Variants in WNT16 observed in about 807,000 individuals in gnomAD.
WNT16 encodes the protein protein Wnt-16.
Under a neutral mutation model 35.4 loss-of-function variants are expected in WNT16, and 20 were observed. The ratio of observed to expected loss-of-function variants is 0.56; its 90% confidence interval spans 0.40 to 0.82. The LOEUF (loss-of-function observed/expected upper bound fraction) is 0.82. Among genes scored for constraint, WNT16 ranks in the 40% least tolerant of loss-of-function variants. The probability of loss-of-function intolerance (pLI) is 0.00; values close to 1 mark genes in which losing one functional copy is unlikely to be tolerated. For synonymous variants in WNT16, 180 were observed against 179.2 expected, an observed-to-expected ratio of 1.00 and a Z score of -0.03; for missense variants, 461 against 466.0, an observed-to-expected ratio of 0.99 and a Z score of 0.10.
upstream of WNT16, chr7:121,328,902 T>G: frequency 4.9e-5 from 21 of 428,630 alleles, no homozygotes; most frequent in South Asian, 9.6e-5. Context: ...CCCGAGATGA[T>G]GAGATGCGGG....
upstream of WNT16, among the ~76,000 whole-genome samples, chr7:121,328,703 TC>T (rs1249833443): frequency 1.3e-5 from 2 of 152,142 alleles, no homozygotes; most frequent in East Asian, 3.9e-4. Flanking sequence ...ACCCACGCTT[TC>T]CCCCAAGGTT....
chr7:121,329,887 A>G, intron 2 of WNT16, 70 bp downstream of exon 2: 5 of 1,568,628 alleles, frequency 3.2e-6, no homozygotes, highest in Non-Finnish European at 4.3e-6. Flanking sequence ...TCCTGCAAAT[A>G]AAGTAAATAG....
rs1793504597 is a variant in WNT16 at position 121,339,820 on chromosome 7, G to A, written c.*475G>A. ...CATTTATTCTCTCAGTATTTTAACT[G>A]AAGAAATTATACTGTTTGTGTGTGG... is the stretch of plus-strand genomic sequence containing the variant. On this transcript the variant is annotated 3_prime_UTR_variant, in exon 4 of 4. Transcript: ENST00000222462. The A allele has an allele frequency of 4.9e-6, 1 of 203,958 alleles. No individual in the cohort carries two copies. The highest frequency in any genetic ancestry group is 9.8e-6 in the Non-Finnish European group (1 of 102,064). The allele number at this position is 203,958 out of a possible 1,614,324, so 12.6% of individuals were successfully genotyped here.
chr7:121,335,843 T>G (rs1189104686), intron 3 of WNT16, among the ~76,000 whole-genome samples: 3 of 152,130 alleles, frequency 2.0e-5, no homozygotes, highest in Admixed American at 1.3e-4. Context: ...AGACTTTATT[T>G]TTCTGTAAAA....
At chr7:121,338,512 C>T (rs1793475054) in intron 3 of WNT16, among the ~76,000 whole-genome samples, 1 of 152,154 alleles carries the variant, frequency 6.6e-6, no homozygotes, top group South Asian at 2.1e-4. Flanking sequence ...TGAATGGTAT[C>T]AGGAACATAC....
rs1273525219 is a variant in WNT16 at position 121,338,833 on chromosome 7, T to C, written c.634-48T>C. The C allele has an allele frequency of 2.6e-6, 4 of 1,520,258 alleles. No homozygotes were observed. The African/African-American group carries it at 4.2e-5, about 16-fold the overall frequency. 94.2% of individuals were successfully genotyped at this position (1,520,258 alleles called of 1,614,324 possible). On this transcript the variant is annotated intron_variant, in intron 3 of 3. Transcript: ENST00000222462. ...GATTAACTGTGCTTCTGTTGTTGAG[T>C]AAAACACTTTATGATTGATAGTTGA...
intron 3 of WNT16, among the ~76,000 whole-genome samples, chr7:121,338,420 G>C (rs139907080): frequency 2.0e-5 from 3 of 152,298 alleles, no homozygotes; most frequent in Non-Finnish European, 4.4e-5. Flanking sequence ...TGTAGGTCTG[G>C]AGTGGGGCCT....
intron 3 of WNT16, among the ~76,000 whole-genome samples, chr7:121,337,503 G>A (rs1793462736): frequency 2.0e-5 from 3 of 152,092 alleles, no homozygotes; most frequent in African/African-American, 7.2e-5. Flanking sequence ...TCCTTTCTTT[G>A]GTGAGATTAC....
upstream of WNT16, among the ~76,000 whole-genome samples, chr7:121,327,075 G>A (rs1793257158): frequency 6.6e-6 from 1 of 152,204 alleles, no homozygotes; most frequent in Admixed American, 6.5e-5. Context: ...TGTCCCTCTT[G>A]GAGAAGCTCA....
At chr7:121,326,042 A>AAAAAAC (rs1313583333), upstream of WNT16, among the ~76,000 whole-genome samples, 1 of 146,476 alleles carries the variant, frequency 6.8e-6, no homozygotes, top group African/African-American at 2.6e-5. Flanking sequence ...TCATCTCAAA[A>AAAAAAC]AAAAAAAAAA....
At chr7:121,336,412 G>T (rs1793447072) in intron 3 of WNT16, among the ~76,000 whole-genome samples, 1 of 151,984 alleles carries the variant, frequency 6.6e-6, no homozygotes, top group Non-Finnish European at 1.5e-5. Flanking sequence ...TAAATTCCAT[G>T]TATGTATTCA....
chr7:121,329,838 G>T (rs1344934642), intron 2 of WNT16, 21 bp downstream of exon 2: 1 of 1,593,500 alleles, frequency 6.3e-7, no homozygotes, highest in Non-Finnish European at 8.5e-7. Context: ...GGTCCTTAGG[G>T]GTTGGTGGGG....
rs935301230 is a variant in WNT16, at chr7:121,339,987, A to G, written c.*642A>G. On this transcript the variant is annotated 3_prime_UTR_variant, in exon 4 of 4. Transcript: ENST00000222462. ...TGATCATTACAGATGTTTAGTGACA[A>G]AGAATCAATATGTAAAAAGTATAAT... The G allele has an allele frequency of 1.3e-5, 2 of 152,394 alleles. No individual in the cohort carries two copies. Among genetic ancestry groups the G allele is most frequent in the Non-Finnish European group, 2.9e-5 (2 of 68,142 alleles). The allele number at this position is 152,394 out of a possible 1,614,324, so 9.4% of individuals were successfully genotyped here. A position where few individuals can be genotyped will look rare whatever the true frequency, so the allele number is the denominator to read the frequency against.
At position 121,329,353 on chromosome 7, in the gene WNT16, G is replaced by A. The variant is rs775420322; in HGVS notation, c.61G>A (p.Val21Met). The A allele has an allele frequency of 7.8e-5, 126 of 1,608,120 alleles. No homozygotes were observed. Among genetic ancestry groups the A allele is most frequent in the Middle Eastern group, 1.7e-4 (1 of 6,038 alleles). ...RLCALWAALL[V>M]LFPYGAQGNW... Reference sequence around the variant, plus strand: ...GTGCGCGCTGTGGGCAGCCCTGCTCGTGCTGTTCCCCTACGGAGCCCAAGG... The same window carrying A: ...GTGCGCGCTGTGGGCAGCCCTGCTCATGCTGTTCCCCTACGGAGCCCAAGG... Residue 21 changes from valine to methionine, a missense_variant, in exon 1 of 4, where the codon GTG becomes ATG. Physicochemically the swap from Val to Met is conservative, Grantham distance 21 (BLOSUM62 1). Coordinates refer to ENST00000222462, the MANE Select transcript of WNT16 (RefSeq NM_057168.2).
chr7:121,329,580 G>A lies in WNT16; in HGVS notation c.109G>A (p.Ala37Thr), dbSNP rs942759005. 2.5e-6 allele frequency: 4 copies of A among 1,614,234 alleles called. No individual in the cohort carries two copies. The South Asian group carries it at 4.4e-5, about 18-fold the overall frequency. The change falls in exon 2 of 4, where the codon GCC becomes ACC. Residue 37 changes from alanine to threonine, a missense_variant. By Grantham distance (58) the Ala-to-Thr change is moderately conservative. Coordinates refer to ENST00000222462, the MANE Select transcript of WNT16 (RefSeq NM_057168.2). ...AQGNWMWLGI[A>T]SFGVPEKLGC... The stretch of plus-strand genomic sequence containing the variant: ...CGTGTCTTACAGGTGGTTGGGCATT[G>A]CCTCCTTCGGGGTTCCAGAGAAGCT...
intron 3 of WNT16, among the ~76,000 whole-genome samples, chr7:121,336,836 G>A (rs1357674370): frequency 6.6e-6 from 1 of 152,098 alleles, no homozygotes; most frequent in African/African-American, 2.4e-5. Context: ...GAAAAAATCG[G>A]CTCCTCAGTC....
chr7:121,332,821 G>C (rs1010500837), intron 3 of WNT16, among the ~76,000 whole-genome samples: 35 of 152,030 alleles, frequency 2.3e-4, no homozygotes, highest in Non-Finnish European at 2.4e-4. Context: ...TAAAGATACA[G>C]AGGTGGTACA....
At chr7:121,330,137 C>G (rs911500164) in intron 2 of WNT16, among the ~76,000 whole-genome samples, 2 of 152,244 alleles carry the variant, frequency 1.3e-5, no homozygotes, top group South Asian at 4.1e-4. Context: ...GTAGCGCCCC[C>G]CTACGTGGGT....
intron 3 of WNT16, among the ~76,000 whole-genome samples, chr7:121,333,764 T>C (rs1009279997): frequency 6.6e-6 from 1 of 152,036 alleles, no homozygotes; most frequent in African/African-American, 2.4e-5. Context: ...CAACAGACCT[T>C]AAATCTTCTT....
Sources: allele counts gnomAD v4.1 joint callset (sites outside exome capture counted in the v4.1 genomes callset), GRCh38; gene constraint gnomAD v4.1.1; transcripts MANE v1.5; gene names NCBI Gene and HGNC (gene_info 2026-07-23, HGNC 2026-07-21).